CPNE9: variants seen among roughly 807,000 people sequenced by gnomAD.
The protein encoded by CPNE9 is copine family member 9, also known as copine-9.
A neutral mutation model predicts 83.0 loss-of-function variants in CPNE9; 59 were observed. The observed-to-expected ratio is 0.71, with a 90% CI of 0.58 to 0.88. The LOEUF (loss-of-function observed/expected upper bound fraction) is 0.88, where lower values mean the gene tolerates loss of function less well. Among genes scored for constraint, CPNE9 ranks in the 40% least tolerant of loss-of-function variants. CPNE9 has a pLI of 0.00. For missense variants in CPNE9, 619 were observed against 720.8 expected, an observed-to-expected ratio of 0.86 and a Z score of 1.62; for synonymous variants, 256 against 273.4, an observed-to-expected ratio of 0.94 and a Z score of 0.63.
intron 7 of CPNE9, among the ~76,000 whole-genome samples, chr3:9,708,777 C>T (rs573822702): frequency 1.3e-5 from 2 of 151,950 alleles, no homozygotes; most frequent in Admixed American, 6.5e-5. Context: ...GGACTACAGG[C>T]ACCCGCCACC....
rs1186866062 is a variant in CPNE9 at position 9,715,395 on chromosome 3, A to G, written c.768+31A>G. 8 of 1,613,410 alleles carry G rather than the reference A, an allele frequency of 5.0e-6. No homozygotes were observed. The Admixed American group carries it at 1.2e-4, about 24-fold the overall frequency. ...CATTCCAGCCCTGCCCAGGTCACCC[A>G]GGCCCTCCATCCCAGTGTGCTCAGT... On this transcript the variant is annotated intron_variant, in intron 12 of 20. Transcript: ENST00000383832.
At chr3:9,706,096 G>A (rs1575115063) in intron 7 of CPNE9, 33 bp downstream of exon 7, 1 of 1,603,232 alleles carries the variant, frequency 6.2e-7, no homozygotes, top group East Asian at 2.2e-5. Flanking sequence ...TGGGAGTGGG[G>A]TGGGGGCTTC....
chr3:9,711,017 A>G (rs1307716308), intron 7 of CPNE9, among the ~76,000 whole-genome samples: 1 of 151,562 alleles, frequency 6.6e-6, no homozygotes, highest in East Asian at 1.9e-4. Flanking sequence ...TAATAGTGAG[A>G]CCCCAACTCT....
Position 9,718,087 on chromosome 3 carries a change from T to C in CPNE9, c.990T>C (p.Tyr330=), listed in dbSNP as rs200029833. The C allele has an allele frequency of 8.6e-4, 1,383 of 1,614,136 alleles. 3 individuals are homozygous for C. Among genetic ancestry groups the C allele is most frequent in the Non-Finnish European group, 1.1e-3 (1,323 of 1,179,992 alleles). ...TGAGTCCCTACCAGCTCAGCGCCTATGCCATGGCCCTCAAGGCAGTGGGAG... is the reference window on the plus strand; with the variant it reads ...TGAGTCCCTACCAGCTCAGCGCCTACGCCATGGCCCTCAAGGCAGTGGGAG... ...HYMSPYQLSA[Y]AMALKAVGEI... The change falls in exon 16 of 21, where the codon TAT becomes TAC. Residue 330 remains tyrosine, a synonymous_variant. Coordinates refer to ENST00000383832, the MANE Select transcript of CPNE9 (RefSeq NM_153635.3).
chr3:9,728,741 T>G (rs372672862), intron 20 of CPNE9, among the ~76,000 whole-genome samples: 23 of 152,098 alleles, frequency 1.5e-4, no homozygotes, highest in African/African-American at 5.6e-4. Flanking sequence ...TTTTCTCCCT[T>G]ATCAGCCCCT....
Position 9,710,273 on chromosome 3 carries a change from A to G in CPNE9, c.378-2268A>G, listed in dbSNP as rs2076613889. Among the ~76,000 whole-genome samples, 3 of 152,380 alleles carry G rather than the reference A, an allele frequency of 2.0e-5. No homozygotes were observed. In the South Asian group the frequency reaches 6.2e-4, roughly 32 times the overall value. Reference sequence around the variant, plus strand: ...AGTGATGTTCTCGTGCAGACAAGACAGTATGAAATATAGTACACAGTGGAG... The same window carrying G: ...AGTGATGTTCTCGTGCAGACAAGACGGTATGAAATATAGTACACAGTGGAG... On this transcript the variant is annotated intron_variant, in intron 7 of 20. Coordinates refer to ENST00000383832, the MANE Select transcript of CPNE9 (RefSeq NM_153635.3).
intron 17 of CPNE9, among the ~76,000 whole-genome samples, chr3:9,724,003 G>GGCACT (rs1374840720): frequency 7.9e-5 from 12 of 152,126 alleles, no homozygotes; most frequent in African/African-American, 2.9e-4. Flanking sequence ...GTGGATATGG[G>GGCACT]GCACTTGAAA....
Position 9,704,931 on chromosome 3 carries a change from A to G in CPNE9, c.197A>G (p.Asp66Gly), listed in dbSNP as rs1316062817. Residue 66 changes from aspartate to glycine, a missense_variant, in exon 4 of 21, where the codon GAC becomes GGC. This residue lies in a region of CPNE9 where 130 missense variants were observed against 117.5 expected (regional missense o/e 1.11). Coordinates refer to ENST00000383832, the MANE Select transcript of CPNE9 (RefSeq NM_153635.3). This position sits in a 1 kb window ranked among gnomAD's most constrained non-coding sequence, Gnocchi z 7.1. Reference protein sequence around the residue: ...TEVIDNTLNPDFVRKFVLDYF... With the variant: ...TEVIDNTLNPGFVRKFVLDYF... ...GTGATTGATAACACGCTGAACCCAG[A>G]CTTCGTGCGCAAATTCGTCCTCGAC... 1.9e-6 allele frequency: 3 copies of G among 1,613,504 alleles called. No homozygotes were observed. The Admixed American group carries it at 5.0e-5, about 27-fold the overall frequency.
intron 12 of CPNE9, 45 bp downstream of exon 12, chr3:9,715,409 A>C: frequency 1.9e-6 from 3 of 1,612,276 alleles, no homozygotes; most frequent in Non-Finnish European, 2.5e-6. Flanking sequence ...CCTCCATCCC[A>C]GTGTGCTCAG....
At chr3:9,710,293 G>C (rs1345735360) in intron 7 of CPNE9, among the ~76,000 whole-genome samples, 2 of 152,248 alleles carry the variant, frequency 1.3e-5, no homozygotes, top group African/African-American at 2.4e-5. Flanking sequence ...ATAGTACACA[G>C]TGGAGGGATA....
At chr3:9,710,152 A>C (rs1477815505) in intron 7 of CPNE9, among the ~76,000 whole-genome samples, 1 of 152,148 alleles carries the variant, frequency 6.6e-6, no homozygotes, top group Non-Finnish European at 1.5e-5. Flanking sequence ...ATCTCTACAA[A>C]AAAAAAGGGA....
In CPNE9 at chr3:9,705,452, C is replaced by T. The variant is rs1199518949; in HGVS notation, c.261-12C>T. ...CCAGCCCCACCCCACACCGGTTCCACTCTTTTCCCAGGTACAACGTGGACT... is the reference window on the plus strand; with the variant it reads ...CCAGCCCCACCCCACACCGGTTCCATTCTTTTCCCAGGTACAACGTGGACT... On this transcript the variant is annotated splice_polypyrimidine_tract_variant and intron_variant, in intron 4 of 20. Transcript: ENST00000383832. 2 of 1,500,940 alleles carry T rather than the reference C, an allele frequency of 1.3e-6. No homozygotes were observed. The highest frequency in any genetic ancestry group is 4.9e-5 in the East Asian group (2 of 40,858). The allele number at this position is 1,500,940 out of a possible 1,614,324, so 93.0% of individuals were successfully genotyped here.
chr3:9,713,154 T>C, intron 10 of CPNE9, 75 bp downstream of exon 10: 3 of 1,125,704 alleles, frequency 2.7e-6, no homozygotes, highest in Non-Finnish European at 4.0e-6. Flanking sequence ...AGAATGATAG[T>C]AGAAGTATCA....
intron 14 of CPNE9, 67 bp from the exon 15 acceptor site, chr3:9,716,991 T>C (rs1050502709): frequency 6.6e-7 from 1 of 1,525,918 alleles, no homozygotes; most frequent in Non-Finnish European, 9.1e-7. Flanking sequence ...TGCACATTAC[T>C]GTTTGAGAAA....
Position 9,703,940 on chromosome 3 carries a change from C to G in CPNE9, c.-57C>G, listed in dbSNP as rs2076531166. The stretch of plus-strand genomic sequence containing the variant: ...GCCGGCCCCGCCGCTGCCGTCGCCC[C>G]TAGCCCCAGCAGCCCTGGTCTCGCA... On this transcript the variant is annotated 5_prime_UTR_variant, in exon 1 of 21. Transcript: ENST00000383832. 6.8e-7 allele frequency: 1 copy of G among 1,469,846 alleles called. No homozygotes were observed. The highest frequency in any genetic ancestry group is 9.2e-7 in the Non-Finnish European group (1 of 1,088,108). The allele number at this position is 1,469,846 out of a possible 1,614,324, so 91.1% of individuals were successfully genotyped here.
chr3:9,714,435 G>A (rs2076658822), intron 10 of CPNE9, among the ~76,000 whole-genome samples: 1 of 151,940 alleles, frequency 6.6e-6, no homozygotes, highest in East Asian at 1.9e-4. Flanking sequence ...TTTGGAATCA[G>A]GATGCCTGGG....
At chr3:9,722,166 C>A (rs997554163) in intron 17 of CPNE9, among the ~76,000 whole-genome samples, 1 of 151,740 alleles carries the variant, frequency 6.6e-6, no homozygotes, top group Non-Finnish European at 1.5e-5. Context: ...ATCCACCCCC[C>A]CCCGCCACCC....
At chr3:9,716,066 G>A (rs770534318) in intron 14 of CPNE9, 31 bp downstream of exon 14, 5 of 1,588,714 alleles carry the variant, frequency 3.1e-6, no homozygotes, top group South Asian at 2.3e-5. Flanking sequence ...TGGGCTGAAA[G>A]CCCGGCAATA....
In CPNE9 at chr3:9,704,150, G is replaced by T; in HGVS notation, c.68+86G>T. 1.5e-6 allele frequency: 2 copies of T among 1,299,778 alleles called. No homozygotes were observed. The highest frequency in any genetic ancestry group is 2.6e-5 in the East Asian group (1 of 39,088). 80.5% of individuals were successfully genotyped at this position (1,299,778 alleles called of 1,614,324 possible). ...CGGGGCTCAGCCTGGGCAGGGGCTA[G>T]ACCCCCGGGGAGAGGCGAAATTGGC... On this transcript the variant is annotated intron_variant, in intron 1 of 20. Transcript: ENST00000383832. The surrounding 1 kb of genome is among the most constrained non-coding windows in gnomAD (Gnocchi z 7.1).
Sources: allele counts gnomAD v4.1 joint callset (sites outside exome capture counted in the v4.1 genomes callset), GRCh38; gene constraint gnomAD v4.1.1; regional missense constraint gnomAD v4.1.1; non-coding constraint Gnocchi (gnomAD v3.1); transcripts MANE v1.5; gene names NCBI Gene and HGNC (gene_info 2026-07-23, HGNC 2026-07-21).